GUCA1C: variants seen among roughly 807,000 people sequenced by gnomAD.
GUCA1C encodes guanylyl cyclase-activating protein 3.
GUCA1C carries 15 observed loss-of-function variants against 16.2 expected under a neutral mutation model. The observed-to-expected ratio is 0.93, with a 90% CI of 0.62 to 1.43. GUCA1C has a LOEUF of 1.43. Ranked by LOEUF, GUCA1C falls within the 40% of genes most tolerant of loss-of-function variation. The pLI, the probability that GUCA1C is intolerant of heterozygous loss-of-function variation, is 0.00. For synonymous variants in GUCA1C, 78 were observed against 85.4 expected (o/e 0.91, Z 0.48); for missense variants, 275 against 244.8 (o/e 1.12, Z -0.82).
rs1481966078 is a variant in GUCA1C, at chr3:108,908,057, CAGG to C, written c.592_594del (p.Pro198del). 4 of 1,613,684 alleles carry C rather than the reference CAGG, an allele frequency of 2.5e-6. No individual in the cohort carries two copies. Among genetic ancestry groups the C allele is most frequent in the Non-Finnish European group, 3.4e-6 (4 of 1,179,844 alleles). On this transcript the variant is annotated inframe_deletion, in exon 4 of 4. Coordinates refer to ENST00000261047, the MANE Select transcript of GUCA1C (RefSeq NM_005459.4). ...TTCACCTTCCCTAGACCAGCCTTGTCAGGAGATTTGGAGGAGTCTGTCTCCATG... is the reference window on the plus strand; with the variant it reads ...TTCACCTTCCCTAGACCAGCCTTGTCAGATTTGGAGGAGTCTGTCTCCATG...
chr3:108,909,880 C>A (rs1188105167), intron 3 of GUCA1C, among the ~76,000 whole-genome samples: 1 of 152,156 alleles, frequency 6.6e-6, no homozygotes, highest in Non-Finnish European at 1.5e-5. Context: ...ATCTAAACTA[C>A]TTCTTTTGAA....
chr3:108,919,160 G>A (rs1384558976), intron 2 of GUCA1C, among the ~76,000 whole-genome samples: 10 of 152,026 alleles, frequency 6.6e-5, no homozygotes, highest in East Asian at 1.9e-4. Context: ...AATTAGAGAC[G>A]AATGGTATCT....
At chr3:108,932,371 G>A (rs1180664839) in intron 1 of GUCA1C, among the ~76,000 whole-genome samples, 16 of 150,502 alleles carry the variant, frequency 1.1e-4, no homozygotes, top group African/African-American at 3.2e-4. Flanking sequence ...AAGCTCCTTG[G>A]GATATAGTCC....
chr3:108,930,584 T>C (rs2107297463), intron 1 of GUCA1C, among the ~76,000 whole-genome samples: 1 of 152,334 alleles, frequency 6.6e-6, no homozygotes, highest in African/African-American at 2.4e-5. Flanking sequence ...AGTCAGAAAG[T>C]GATAAGAAAA....
At chr3:108,954,649 C>G (rs191476000), upstream of GUCA1C, among the ~76,000 whole-genome samples, 14 of 152,186 alleles carry the variant, frequency 9.2e-5, no homozygotes, top group Non-Finnish European at 1.8e-4. Flanking sequence ...TTTGTGTGGT[C>G]CTCAACCCAT....
chr3:108,926,597 C>T (rs776696448), intron 1 of GUCA1C, among the ~76,000 whole-genome samples: 5 of 152,148 alleles, frequency 3.3e-5, no homozygotes, highest in African/African-American at 7.2e-5. Context: ...TCTCCTGCCT[C>T]GGCCTCCCGA....
chr3:108,930,381 A>T (rs1010357426), intron 1 of GUCA1C, among the ~76,000 whole-genome samples: 1 of 152,246 alleles, frequency 6.6e-6, no homozygotes, highest in African/African-American at 2.4e-5. Context: ...CACGAAGTCT[A>T]TAAGAAAAGC....
In GUCA1C at chr3:108,920,468, T is replaced by G. The variant is rs972110931; in HGVS notation, c.322A>C (p.Ile108Leu). The G allele has an allele frequency of 6.2e-7, 1 of 1,608,666 alleles. No individual in the cohort carries two copies. The highest frequency in any genetic ancestry group is 1.7e-5 in the Admixed American group (1 of 59,960). Residue 108 changes from isoleucine to leucine, a missense_variant, in exon 2 of 4, where the codon ATT (isoleucine) becomes CTT (leucine). Physicochemically the swap from Ile to Leu is conservative, Grantham distance 5. Transcript: ENST00000261047. ...KLYDADGNGS[I>L]DKNELLDMFM... The stretch of plus-strand genomic sequence containing the variant: ...ATGTCCAGTAGTTCATTTTTGTCAA[T>G]AGAACCATTTCCATCAGCATCATAC...
Position 108,908,133 on chromosome 3 carries a change from G to C in GUCA1C, c.519C>G (p.Phe173Leu). The change falls in exon 4 of 4, where the codon TTC (phenylalanine) becomes TTG (leucine). Residue 173 changes from phenylalanine to leucine, a missense_variant. Coordinates refer to ENST00000261047, the MANE Select transcript of GUCA1C (RefSeq NM_005459.4). The part of the protein sequence containing the change: ...QDLLEIVYKS[F>L]DFSNVLRVIC... ...TTACTCTCAGCACATTGGAGAAGTC[G>C]AAGCTCTTGTAAACAATCTCCAGGA... The C allele has an allele frequency of 6.2e-7, 1 of 1,613,626 alleles. No homozygotes were observed. Among genetic ancestry groups the C allele is most frequent in the Non-Finnish European group, 8.5e-7 (1 of 1,179,590 alleles).
intron 1 of GUCA1C, among the ~76,000 whole-genome samples, chr3:108,945,677 C>T (rs1946837373): frequency 6.6e-6 from 1 of 152,098 alleles, no homozygotes; most frequent in African/African-American, 2.4e-5. Flanking sequence ...TGTTTTTAAG[C>T]ATGTACGTAG....
chr3:108,951,158 T>A (rs1045500419), intron 1 of GUCA1C, among the ~76,000 whole-genome samples: 1 of 151,894 alleles, frequency 6.6e-6, no homozygotes, highest in African/African-American at 2.4e-5. Context: ...TGGGGAGATG[T>A]AGGTCAGAGG....
intron 3 of GUCA1C, among the ~76,000 whole-genome samples, chr3:108,913,805 C>T (rs1415519106): frequency 6.6e-6 from 1 of 152,048 alleles, no homozygotes; most frequent in Non-Finnish European, 1.5e-5. Flanking sequence ...CGGTGGCTCA[C>T]ACCTGTAATC....
chr3:108,939,324 C>CTGTTTTTTTTTT (rs1553735917), intron 1 of GUCA1C, among the ~76,000 whole-genome samples: 1 of 32,912 alleles, frequency 3.0e-5, no homozygotes, highest in Admixed American at 4.5e-4. Context: ...TGCTTCAAGG[C>CTGTTTTTTTTTT]TTTTTTTTTT....
intron 1 of GUCA1C, among the ~76,000 whole-genome samples, chr3:108,921,800 A>G (rs950193948): frequency 2.0e-5 from 3 of 151,884 alleles, no homozygotes; most frequent in Admixed American, 6.6e-5. Context: ...TTTTATTTCA[A>G]TAGGTTTTTG....
At chr3:108,910,025 G>C (rs1340112876) in intron 3 of GUCA1C, among the ~76,000 whole-genome samples, 4 of 152,194 alleles carry the variant, frequency 2.6e-5, no homozygotes, top group African/African-American at 7.2e-5. Context: ...TATGAATATG[G>C]TAGGTGCTCA....
At chr3:108,926,376 A>G (rs1946622837) in intron 1 of GUCA1C, among the ~76,000 whole-genome samples, 1 of 152,192 alleles carries the variant, frequency 6.6e-6, no homozygotes, top group Non-Finnish European at 1.5e-5. Flanking sequence ...AGTCCTATTT[A>G]TTCTGCCATT....
At chr3:108,924,232 G>A (rs1427632570) in intron 1 of GUCA1C, among the ~76,000 whole-genome samples, 24 of 152,010 alleles carry the variant, frequency 1.6e-4, no homozygotes, top group Admixed American at 1.6e-3. Flanking sequence ...ATTCTCAGGG[G>A]AAATGCTTTC....
At chr3:108,926,773 C>G (rs1946627189) in intron 1 of GUCA1C, among the ~76,000 whole-genome samples, 1 of 151,734 alleles carries the variant, frequency 6.6e-6, no homozygotes, top group Admixed American at 6.6e-5. Flanking sequence ...AGCCACTATG[C>G]CCGGCCTGTT....
intron 1 of GUCA1C, among the ~76,000 whole-genome samples, chr3:108,942,637 A>G (rs1017307210): frequency 6.6e-6 from 1 of 152,200 alleles, no homozygotes; most frequent in Non-Finnish European, 1.5e-5. Context: ...CCATATTACC[A>G]GGTTTAAAAG....
Sources: gnomAD v4.1 joint callset for allele counts (sites outside exome capture counted in the v4.1 genomes callset) on GRCh38, gnomAD v4.1.1 for gene constraint, MANE v1.5 for transcripts, NCBI Gene and HGNC (gene_info 2026-07-23, HGNC 2026-07-21) for gene names.